Variants in KLF8 observed in about 807,000 individuals in gnomAD.
The protein encoded by KLF8 is Krueppel-like factor 8.
A neutral mutation model predicts 18.2 loss-of-function variants in KLF8; 10 were observed. That is an observed-to-expected ratio of 0.55 (90% confidence interval 0.34 to 0.93). KLF8 has a LOEUF of 0.93. KLF8 is among the 40% of genes least tolerant of loss of function. KLF8 has a pLI of 0.02. For synonymous variants in KLF8, 109 were observed against 97.3 expected (o/e 1.12, Z -0.71); for missense variants, 264 against 277.9 (o/e 0.95, Z 0.36).
the KLF8 span, among the ~76,000 whole-genome samples, chrX:56,078,498 G>T: frequency 0.081 from 8,999 of 111,342 alleles, 886 homozygotes; most frequent in African/African-American, 0.28. Context: ...AATCCCACTT[G>T]ATCATGGTGG....
chrX:55,969,126 C>T, the KLF8 span, among the ~76,000 whole-genome samples: 1 of 111,869 alleles, frequency 8.9e-6, no homozygotes, highest in Non-Finnish European at 1.9e-5. Flanking sequence ...ATTTACAGAA[C>T]ATTCAATTGA....
the KLF8 span, among the ~76,000 whole-genome samples, chrX:56,137,746 G>A: frequency 1.9e-5 from 2 of 103,166 alleles, no homozygotes; most frequent in African/African-American, 7.2e-5. Flanking sequence ...AAAACTTAAA[G>A]TATAATAATA....
At chrX:55,936,180 T>C in the KLF8 span, among the ~76,000 whole-genome samples, 1 of 112,295 alleles carries the variant, frequency 8.9e-6, no homozygotes, top group South Asian at 3.7e-4. Flanking sequence ...CTTAAATAAA[T>C]CATCTTTTCT....
At chrX:56,196,231 A>G in the KLF8 span, among the ~76,000 whole-genome samples, 1 of 111,441 alleles carries the variant, frequency 9.0e-6, no homozygotes, top group Non-Finnish European at 1.9e-5. Flanking sequence ...ACACATAAAA[A>G]TATTAATCTT....
the KLF8 span, among the ~76,000 whole-genome samples, chrX:55,958,697 C>T: frequency 1.8e-5 from 2 of 112,414 alleles, no homozygotes; most frequent in Non-Finnish European, 3.8e-5. Flanking sequence ...GAACATCTTG[C>T]AACAGCAAAT....
rs767400772 is a variant in KLF8, at chrX:56,273,098, A to G, written c.898+2777A>G. On this transcript the variant is annotated intron_variant, in intron 5 of 5. Coordinates refer to ENST00000468660, the MANE Select transcript of KLF8 (RefSeq NM_007250.5). ...TTTCTTTCTTTTAAAATTTTTAATA[A>G]TACATATTTTAACCCAGTGTATCAC... Among the ~76,000 whole-genome samples the G allele has an allele frequency of 1.8e-4, 20 of 111,938 alleles. No homozygotes were observed. The South Asian group carries it at 6.6e-3, about 37-fold the overall frequency.
At chrX:55,908,640 G>A in the KLF8 span, 1 of 288,602 alleles carries the variant, frequency 3.5e-6, no homozygotes. Flanking sequence ...CTGTACACCG[G>A]CCCTAGTCGG....
chrX:56,129,232 T>C, the KLF8 span, among the ~76,000 whole-genome samples: 1 of 112,301 alleles, frequency 8.9e-6, no homozygotes, highest in East Asian at 2.8e-4. Context: ...CATCATGAAC[T>C]TTCACTCAAA....
the KLF8 span, among the ~76,000 whole-genome samples, chrX:56,078,575 TTCA>T: frequency 1.8e-5 from 2 of 112,139 alleles, no homozygotes; most frequent in Admixed American, 1.9e-4. Flanking sequence ...TGCATCAATG[TTCA>T]TCAAGGATAT....
chrX:56,006,577 T>C, the KLF8 span, among the ~76,000 whole-genome samples: 1 of 112,499 alleles, frequency 8.9e-6, no homozygotes, highest in African/African-American at 3.2e-5. Flanking sequence ...GATTTGCAAT[T>C]CTGTAATGAT....
the KLF8 span, among the ~76,000 whole-genome samples, chrX:55,915,613 A>T: frequency 1.8e-5 from 2 of 112,238 alleles, no homozygotes; most frequent in Non-Finnish European, 3.8e-5. Context: ...ATTTGAATTA[A>T]TTGCCAGTGT....
the KLF8 span, among the ~76,000 whole-genome samples, chrX:56,058,119 T>C: frequency 5.1e-5 from 5 of 97,894 alleles, no homozygotes; most frequent in African/African-American, 1.9e-4. Flanking sequence ...GTGCCAATCA[T>C]CTTGGTCCCT....
chrX:56,224,491 C>A, the KLF8 span, among the ~76,000 whole-genome samples: 1 of 111,737 alleles, frequency 8.9e-6, no homozygotes, highest in Admixed American at 9.5e-5. Context: ...AATACATGAT[C>A]TTTATAGAAA....
the KLF8 span, among the ~76,000 whole-genome samples, chrX:56,101,379 A>G: frequency 8.9e-6 from 1 of 112,087 alleles, no homozygotes; most frequent in Non-Finnish European, 1.9e-5. Flanking sequence ...ACTGACAGAC[A>G]TCTAGATTGA....
At chrX:56,043,363 T>G in the KLF8 span, among the ~76,000 whole-genome samples, 8 of 111,175 alleles carry the variant, frequency 7.2e-5, no homozygotes, top group Non-Finnish European at 1.1e-4. Flanking sequence ...TTTGCCTGTC[T>G]TGCTTGGTTG....
the KLF8 span, among the ~76,000 whole-genome samples, chrX:55,911,194 A>C: frequency 8.9e-6 from 1 of 111,993 alleles, no homozygotes; most frequent in Non-Finnish European, 1.9e-5. Context: ...GATTATCATA[A>C]AGGTCTTAAT....
At chrX:56,146,184 C>T in the KLF8 span, among the ~76,000 whole-genome samples, 1,049 of 111,707 alleles carry the variant, frequency 9.4e-3, 11 homozygotes, top group African/African-American at 0.033. Flanking sequence ...ACTAGAAATA[C>T]CATTTGACCC....
rs1192201960 is a variant in KLF8, at chrX:56,290,334, T to C, written c.*5840T>C. ...CAACCAAGTATTATAACCATTGTTA[T>C]AATGATAGTTATAGTACCTTATATT... On this transcript the variant is annotated 3_prime_UTR_variant, in exon 6 of 6. Coordinates refer to ENST00000468660, the MANE Select transcript of KLF8 (RefSeq NM_007250.5). 8.9e-6 allele frequency among the ~76,000 whole-genome samples: 1 copy of C among 111,971 alleles called. No individual in the cohort carries two copies. Among genetic ancestry groups the C allele is most frequent in the African/African-American group, 3.2e-5 (1 of 30,823 alleles).
chrX:56,172,036 T>C, the KLF8 span, among the ~76,000 whole-genome samples: 6 of 111,581 alleles, frequency 5.4e-5, no homozygotes, highest in Non-Finnish European at 9.4e-5. Flanking sequence ...TAGCACCTGT[T>C]GTTTCCTGAC....
Sources: allele counts gnomAD v4.1 joint callset (sites outside exome capture counted in the v4.1 genomes callset), GRCh38; gene constraint gnomAD v4.1.1; transcripts MANE v1.5; gene names NCBI Gene and HGNC (gene_info 2026-07-23, HGNC 2026-07-21).